Variants in SLC24A2 observed in about 807,000 individuals in gnomAD.
The protein encoded by SLC24A2 is solute carrier family 24 member 2.
In SLC24A2, 36 loss-of-function variants were observed where a neutral mutation model predicts 62.0. The observed-to-expected ratio is 0.58, with a 90% CI of 0.44 to 0.77. SLC24A2 has a LOEUF of 0.77. Among genes scored for constraint, SLC24A2 ranks in the 30% least tolerant of loss-of-function variants. The probability of loss-of-function intolerance (pLI) is 0.00; values close to 1 mark genes in which losing one functional copy is unlikely to be tolerated. For synonymous variants in SLC24A2, 358 were observed against 294.0 expected (o/e 1.22, Z -2.23); for missense variants, 846 against 817.9 (o/e 1.03, Z -0.42).
chr9:20,091,957 T>G, the SLC24A2 span, among the ~76,000 whole-genome samples: 1 of 152,224 alleles, frequency 6.6e-6, no homozygotes, highest in Non-Finnish European at 1.5e-5. Context: ...TGGATGGAGC[T>G]GGAGGACATT....
the SLC24A2 span, among the ~76,000 whole-genome samples, chr9:20,246,750 G>A: frequency 1.3e-5 from 2 of 152,220 alleles, no homozygotes; most frequent in Non-Finnish European, 2.9e-5. Context: ...TTCAGCAACT[G>A]CAGTTGTACT....
chr9:19,569,755 A>G (rs923659431), intron 7 of SLC24A2, among the ~76,000 whole-genome samples: 2 of 152,174 alleles, frequency 1.3e-5, no homozygotes, highest in Non-Finnish European at 2.9e-5. Context: ...TACAAGACCT[A>G]CCAGCTCTGC....
chr9:19,592,468 A>G (rs1836581083), intron 5 of SLC24A2, among the ~76,000 whole-genome samples: 1 of 151,712 alleles, frequency 6.6e-6, no homozygotes, highest in South Asian at 2.1e-4. Flanking sequence ...TAGTTGGGAT[A>G]TCTACCGACC....
chr9:20,036,281 C>T, the SLC24A2 span, among the ~76,000 whole-genome samples: 2 of 152,126 alleles, frequency 1.3e-5, no homozygotes, highest in Admixed American at 1.3e-4. Context: ...ATAATTAAAT[C>T]AACCTAATTA....
chr9:20,027,641 C>G, the SLC24A2 span, among the ~76,000 whole-genome samples: 1 of 151,956 alleles, frequency 6.6e-6, no homozygotes, highest in African/African-American at 2.4e-5. Context: ...TTATTAGAGG[C>G]TGAGGTTTTT....
intron 2 of SLC24A2, among the ~76,000 whole-genome samples, chr9:19,626,136 C>A (rs780541374): frequency 9.9e-5 from 15 of 152,170 alleles, no homozygotes; most frequent in Non-Finnish European, 1.8e-4. Context: ...CTTAAATCTT[C>A]TTTCTTCCTT....
the SLC24A2 span, among the ~76,000 whole-genome samples, chr9:19,897,110 T>A: frequency 6.6e-6 from 1 of 152,022 alleles, no homozygotes; most frequent in Non-Finnish European, 1.5e-5. Context: ...GTCCAAAGAG[T>A]CCAGTCGTCA....
the SLC24A2 span, among the ~76,000 whole-genome samples, chr9:20,108,255 G>A: frequency 6.6e-6 from 1 of 152,224 alleles, no homozygotes; most frequent in Non-Finnish European, 1.5e-5. Flanking sequence ...TGATGGGACT[G>A]TAAACTAGTT....
At chr9:20,178,927 C>T in the SLC24A2 span, among the ~76,000 whole-genome samples, 2 of 152,162 alleles carry the variant, frequency 1.3e-5, no homozygotes, top group African/African-American at 4.8e-5. Context: ...GAGCACCATA[C>T]TACTATGACT....
chr9:20,004,401 A>T, the SLC24A2 span, among the ~76,000 whole-genome samples: 1 of 152,210 alleles, frequency 6.6e-6, no homozygotes, highest in African/African-American at 2.4e-5. Context: ...CAGTGGGAAG[A>T]GTGGGGAAAG....
chr9:19,560,576 G>T (rs1340290802), intron 7 of SLC24A2, among the ~76,000 whole-genome samples: 2 of 152,154 alleles, frequency 1.3e-5, no homozygotes, highest in Non-Finnish European at 2.9e-5. Context: ...CCTTACCAGA[G>T]ACTGAATCTG....
At chr9:20,007,219 T>C in the SLC24A2 span, among the ~76,000 whole-genome samples, 1 of 152,188 alleles carries the variant, frequency 6.6e-6, no homozygotes, top group East Asian at 1.9e-4. Flanking sequence ...TCAGACTCCC[T>C]GCTGCAGTGC....
the SLC24A2 span, among the ~76,000 whole-genome samples, chr9:19,841,974 T>C: frequency 6.6e-6 from 1 of 152,182 alleles, no homozygotes; most frequent in East Asian, 1.9e-4. Flanking sequence ...CTGTCTAATA[T>C]TACTGTTGAG....
chr9:20,231,605 A>G, the SLC24A2 span, among the ~76,000 whole-genome samples: 2 of 152,328 alleles, frequency 1.3e-5, no homozygotes, highest in South Asian at 2.1e-4. Context: ...ACTTTGCTGA[A>G]GTTGCTTATC....
intron 2 of SLC24A2, among the ~76,000 whole-genome samples, chr9:19,637,025 G>T (rs1330314990): frequency 6.6e-6 from 1 of 152,180 alleles, no homozygotes; most frequent in African/African-American, 2.4e-5. Flanking sequence ...CATCCAAAGG[G>T]TATGTATCTT....
chr9:20,262,720 A>G, the SLC24A2 span, among the ~76,000 whole-genome samples: 75 of 152,342 alleles, frequency 4.9e-4, no homozygotes, highest in Admixed American at 9.1e-4. Flanking sequence ...AGAATCTGCC[A>G]TCTGGCTGCT....
At chr9:19,557,475 G>A (rs902776454) in intron 7 of SLC24A2, among the ~76,000 whole-genome samples, 3 of 152,210 alleles carry the variant, frequency 2.0e-5, no homozygotes, top group African/African-American at 7.2e-5. Flanking sequence ...GAGTTTATCT[G>A]AATAGCTTGT....
At chr9:19,587,257 CTTT>C (rs1339354015) in intron 5 of SLC24A2, among the ~76,000 whole-genome samples, 1 of 152,108 alleles carries the variant, frequency 6.6e-6, no homozygotes, top group African/African-American at 2.4e-5. Flanking sequence ...ATAATTCTTT[CTTT>C]TGAGGAACCT....
chr9:20,071,074 G>A, the SLC24A2 span, among the ~76,000 whole-genome samples: 61 of 152,154 alleles, frequency 4.0e-4, no homozygotes, highest in African/African-American at 1.4e-3. Flanking sequence ...TTCCTCTTTG[G>A]CCATGTGAAG....
Sources: gnomAD v4.1 joint callset for allele counts (sites outside exome capture counted in the v4.1 genomes callset) on GRCh38, gnomAD v4.1.1 for gene constraint, MANE v1.5 for transcripts, NCBI Gene and HGNC (gene_info 2026-07-23, HGNC 2026-07-21) for gene names.